ZBED4: variants seen among roughly 807,000 people sequenced by gnomAD.
ZBED4 encodes zinc finger BED domain-containing protein 4.
ZBED4 carries 4 observed loss-of-function variants against 15.5 expected under a neutral mutation model. That is an observed-to-expected ratio of 0.26 (90% CI 0.13 to 0.59). The LOEUF (loss-of-function observed/expected upper bound fraction) is 0.59, where lower values mean the gene tolerates loss of function less well. Among genes scored for constraint, ZBED4 ranks in the 20% least tolerant of loss-of-function variants. The pLI, the probability that ZBED4 is intolerant of heterozygous loss-of-function variation, is 0.90. For missense variants in ZBED4, 1,323 were observed against 1,461.8 expected, an observed-to-expected ratio of 0.91 and a Z score of 1.55; for synonymous variants, 692 against 608.5, an observed-to-expected ratio of 1.14 and a Z score of -2.02.
At position 49,886,138 on chromosome 22, in the gene ZBED4, C is replaced by T; in HGVS notation, c.2476C>T (p.Gln826Ter). The T allele has an allele frequency of 1.5e-6, 1 of 685,902 alleles. No homozygotes were observed. Among genetic ancestry groups the T allele is most frequent in the Non-Finnish European group, 2.7e-6 (1 of 373,606 alleles). 42.5% of individuals were successfully genotyped at this position (685,902 alleles called of 1,614,324 possible). Reference sequence around the variant, plus strand: ...GAACGAGGGGGAGCACTCGAGCGTGCAGTGCTTCAGCCATACGGTGAACCT... The same window carrying T: ...GAACGAGGGGGAGCACTCGAGCGTGTAGTGCTTCAGCCATACGGTGAACCT... The part of the protein sequence containing the change: ...TLNEGEHSSV[Q>*]CFSHTVNLIV... The change falls in exon 2 of 2, where the codon CAG (glutamine) becomes TAG (stop). Residue 826 changes from glutamine to a stop codon, truncating the protein, a stop_gained. Transcript: ENST00000216268. LOFTEE classifies it high-confidence loss of function. The surrounding 1 kb of genome is among the most constrained non-coding windows in gnomAD (Gnocchi z 7.7).
rs372569684 is a variant in ZBED4 at position 49,887,004 on chromosome 22, G to A, written c.3342G>A (p.Leu1114=). The change falls in exon 2 of 2, where the codon CTG becomes CTA. Residue 1114 remains leucine (L), a synonymous_variant. Coordinates refer to ENST00000216268, the MANE Select transcript of ZBED4 (RefSeq NM_014838.3). ...WNLKKASWPG[L]SALAVRFLGC... ...TGAAGAAGGCGTCCTGGCCGGGGCTGTCCGCGCTGGCCGTCAGATTTTTGG... is the reference window on the plus strand; with the variant it reads ...TGAAGAAGGCGTCCTGGCCGGGGCTATCCGCGCTGGCCGTCAGATTTTTGG... The A allele has an allele frequency of 8.1e-6, 13 of 1,613,982 alleles. No homozygotes were observed. Among genetic ancestry groups the A allele is most frequent in the Non-Finnish European group, 1.0e-5 (12 of 1,180,052 alleles).
chr22:49,863,717 C>T lies in ZBED4; in HGVS notation c.-330+9728C>T, dbSNP rs377602123. 8.5e-5 allele frequency among the ~76,000 whole-genome samples: 13 copies of T among 152,142 alleles called. No individual in the cohort carries two copies. The East Asian group carries it at 1.5e-3, about 18-fold the overall frequency. Reference sequence around the variant, plus strand: ...TTAAAGATAAACCTCTTCTTATCCACTCTCTGGTGTTATAGTTCATGGAGA... The same window carrying T: ...TTAAAGATAAACCTCTTCTTATCCATTCTCTGGTGTTATAGTTCATGGAGA... On this transcript the variant is annotated intron_variant, in intron 1 of 1. Transcript: ENST00000216268.
At chr22:49,869,008 G>C (rs76695107) in intron 1 of ZBED4, among the ~76,000 whole-genome samples, 16,823 of 150,418 alleles carry the variant, frequency 0.11, 1,298 homozygotes, top group African/African-American at 0.21. Context: ...CCTGTAATCC[G>C]AGCTGCTTGT....
intron 1 of ZBED4, among the ~76,000 whole-genome samples, chr22:49,855,460 G>A (rs1342107066): frequency 1.3e-5 from 2 of 152,190 alleles, no homozygotes; most frequent in Non-Finnish European, 2.9e-5. Flanking sequence ...CACACAGTGA[G>A]TAACTCAGCT....
rs1287225520 is a variant in ZBED4, at chr22:49,885,558, C to T, written c.1896C>T (p.Gly632=). ...CTCCGGACACCCGGGTGCCGCGGGG[C>T]ACAGAATTATCAGGCGCTTCCTCTT... ...PSSPDTRVPR[G]TELSGASSFD... The change falls in exon 2 of 2, where the codon GGC becomes GGT. Residue 632 remains glycine (G), a synonymous_variant. Transcript: ENST00000216268. 3 of 1,604,682 alleles carry T rather than the reference C, an allele frequency of 1.9e-6. No individual in the cohort carries two copies. Among genetic ancestry groups the T allele is most frequent in the Admixed American group, 3.4e-5 (2 of 59,442 alleles).
chr22:49,874,758 C>T (rs1041285487), intron 1 of ZBED4, among the ~76,000 whole-genome samples: 1 of 139,112 alleles, frequency 7.2e-6, no homozygotes, highest in Non-Finnish European at 1.5e-5. Flanking sequence ...CAGCTCACTG[C>T]ACCTCGACCT....
Position 49,887,048 on chromosome 22 carries a change from T to G in ZBED4, c.3386T>G (p.Val1129Gly). ...TTTTTGGGCTGCCCCCCAAGCATCG[T>G]CCCTTCAGAAAAGCTGTTCAACACA... is the stretch of plus-strand genomic sequence containing the variant. ...VRFLGCPPSI[V>G]PSEKLFNTPT... The change falls in exon 2 of 2, where the codon GTC (valine) becomes GGC (glycine). Residue 1129 changes from valine to glycine, a missense_variant. This residue lies in a region of ZBED4 where 312 missense variants were observed against 410.7 expected (regional missense o/e 0.76). Coordinates refer to ENST00000216268, the MANE Select transcript of ZBED4 (RefSeq NM_014838.3). 6.2e-7 allele frequency: 1 copy of G among 1,614,130 alleles called. No homozygotes were observed. The highest frequency in any genetic ancestry group is 8.5e-7 in the Non-Finnish European group (1 of 1,180,032).
At chr22:49,882,849 C>A (rs1474928868) in intron 1 of ZBED4, among the ~76,000 whole-genome samples, 1 of 152,256 alleles carries the variant, frequency 6.6e-6, no homozygotes, top group East Asian at 1.9e-4. Flanking sequence ...GCAGGAGCCA[C>A]TGTGGTCCGT....
chr22:49,857,221 T>G (rs1322849328), intron 1 of ZBED4, among the ~76,000 whole-genome samples: 1 of 152,174 alleles, frequency 6.6e-6, no homozygotes, highest in African/African-American at 2.4e-5. Flanking sequence ...GAAGCCATGC[T>G]CCACATCCTG....
chr22:49,855,395 G>C (rs1601778920), intron 1 of ZBED4, among the ~76,000 whole-genome samples: 1 of 152,186 alleles, frequency 6.6e-6, no homozygotes, highest in Non-Finnish European at 1.5e-5. Flanking sequence ...GGTTGATGTT[G>C]TTGGATGTAA....
In ZBED4 at chr22:49,886,741, C is replaced by T. The variant is rs1362428247; in HGVS notation, c.3079C>T (p.Gln1027Ter). ...GGAGGAGGAGGCGGAGCAGTACAAA[C>T]AGGATTTAATCAGGGAACTCGAACT... is the stretch of plus-strand genomic sequence containing the variant. ...FTEEEAEQYK[Q>*]DLIRELELMN... is the part of the protein sequence containing the mutation. The change falls in exon 2 of 2, where the codon CAG (glutamine) becomes TAG (stop). Residue 1027 changes from glutamine to a stop codon, truncating the protein, a stop_gained. Coordinates refer to ENST00000216268, the MANE Select transcript of ZBED4 (RefSeq NM_014838.3). LOFTEE classifies it low-confidence loss of function (END_TRUNC). The surrounding 1 kb of genome is among the most constrained non-coding windows in gnomAD (Gnocchi z 7.7). The T allele has an allele frequency of 6.2e-7, 1 of 1,613,128 alleles. No homozygotes were observed. Among genetic ancestry groups the T allele is most frequent in the Non-Finnish European group, 8.5e-7 (1 of 1,179,728 alleles).
At position 49,884,434 on chromosome 22, in the gene ZBED4, C is replaced by G. The variant is rs747460871; in HGVS notation, c.772C>G (p.Leu258Val). ...AGCCCTGGTGGGGTCGTCTCCCCAC[C>G]TCCCTGCTCTCCATTACGATGAACC... ...EEALVGSSPH[L>V]PALHYDEPAE... The change falls in exon 2 of 2, where the codon CTC (leucine) becomes GTC (valine). Residue 258 changes from leucine to valine, a missense_variant. Leu to Val is a conservative substitution (Grantham distance 32, BLOSUM62 1). Around this residue, in one of 6 missense-constraint regions of ZBED4, gnomAD observed 380 missense variants for 413.7 expected, o/e 0.92. Coordinates refer to ENST00000216268, the MANE Select transcript of ZBED4 (RefSeq NM_014838.3). 2.2e-5 allele frequency: 36 copies of G among 1,613,998 alleles called. No homozygotes were observed. The highest frequency in any genetic ancestry group is 3.0e-5 in the Non-Finnish European group (35 of 1,179,990).
chr22:49,858,458 C>T (rs1185369821), intron 1 of ZBED4, among the ~76,000 whole-genome samples: 1 of 152,144 alleles, frequency 6.6e-6, no homozygotes, highest in Admixed American at 6.5e-5. Flanking sequence ...GTTGAGAGTG[C>T]GTGTGCTCTG....
intron 1 of ZBED4, among the ~76,000 whole-genome samples, chr22:49,857,551 C>A (rs963657526): frequency 3.3e-5 from 5 of 152,190 alleles, no homozygotes; most frequent in African/African-American, 4.8e-5. Context: ...TGGAGTCAGA[C>A]CCCTTGCCAC....
Position 49,883,139 on chromosome 22 carries a change from T to A in ZBED4, c.-329-195T>A, listed in dbSNP as rs992332056. ...ACTTGCATTTTTTTTCATGTCTCTA[T>A]TTTTTGCTTATTTTGCAATTTGGGG... On this transcript the variant is annotated intron_variant, in intron 1 of 1. Transcript: ENST00000216268. Among the ~76,000 whole-genome samples, 19 of 152,198 alleles carry A rather than the reference T, an allele frequency of 1.2e-4. 1 individual carries two copies. The highest frequency in any genetic ancestry group is 1.2e-3 in the Admixed American group (19 of 15,270).
In ZBED4 at chr22:49,884,598, G is replaced by A. The variant is rs1282216971; in HGVS notation, c.936G>A (p.Glu312=). The change falls in exon 2 of 2, where the codon GAG becomes GAA. Residue 312 remains glutamate (E), a synonymous_variant. Transcript: ENST00000216268. ...CTGTCTGCATTCACTGCATGAACGA[G>A]TTCAGCCGGGGGAAGAATGGGAAGG... is the stretch of plus-strand genomic sequence containing the variant. ...SKAVCIHCMN[E]FSRGKNGKDL... 1.9e-6 allele frequency: 3 copies of A among 1,612,580 alleles called. No homozygotes were observed. Among genetic ancestry groups the A allele is most frequent in the Non-Finnish European group, 2.5e-6 (3 of 1,179,122 alleles).
intron 1 of ZBED4, among the ~76,000 whole-genome samples, chr22:49,863,271 C>A (rs895236783): frequency 6.6e-6 from 1 of 152,068 alleles, no homozygotes; most frequent in African/African-American, 2.4e-5. Context: ...GTGATTTTCC[C>A]ACCTCAGCCT....
In ZBED4 at chr22:49,884,291, A is replaced by G. The variant is rs764461770; in HGVS notation, c.629A>G (p.Gln210Arg). The stretch of plus-strand genomic sequence containing the variant: ...ATCCTCTCACCCATCAAACTTGTCC[A>G]GAAAGTGGCGTCTAAGATCCCGTCC... Reference protein sequence around the residue: ...STILSPIKLVQKVASKIPSPD... With the variant: ...STILSPIKLVRKVASKIPSPD... The change falls in exon 2 of 2, where the codon CAG becomes CGG. Residue 210 changes from glutamine (Q) to arginine (R), a missense_variant. Gln to Arg is a conservative substitution (Grantham distance 43). Coordinates refer to ENST00000216268, the MANE Select transcript of ZBED4 (RefSeq NM_014838.3). 30 of 1,612,898 alleles carry G rather than the reference A, an allele frequency of 1.9e-5. No homozygotes were observed. The East Asian group carries it at 5.8e-4, about 31-fold the overall frequency.
At chr22:49,865,958 C>T (rs1217638342) in intron 1 of ZBED4, among the ~76,000 whole-genome samples, 3 of 151,886 alleles carry the variant, frequency 2.0e-5, no homozygotes, top group Non-Finnish European at 2.9e-5. Flanking sequence ...GCAGCCCTCC[C>T]GCCTCCACCT....
Sources: allele counts gnomAD v4.1 joint callset (sites outside exome capture counted in the v4.1 genomes callset), GRCh38; gene constraint gnomAD v4.1.1; regional missense constraint gnomAD v4.1.1; non-coding constraint Gnocchi (gnomAD v3.1); transcripts MANE v1.5; gene names NCBI Gene and HGNC (gene_info 2026-07-23, HGNC 2026-07-21).